Variants in AGMO observed in about 807,000 individuals in gnomAD.
AGMO encodes alkylglycerol monooxygenase.
AGMO carries 75 observed loss-of-function variants against 60.2 expected under a neutral mutation model. The ratio of observed to expected loss-of-function variants is 1.25; its 90% confidence interval spans 1.03 to 1.51. The LOEUF (loss-of-function observed/expected upper bound fraction) is 1.51, where lower values mean the gene tolerates loss of function less well. AGMO is among the 40% of genes most tolerant of loss of function. The pLI is 0.00. For synonymous variants in AGMO, 261 were observed against 177.1 expected (o/e 1.47, Z -3.76); for missense variants, 763 against 525.5 (o/e 1.45, Z -4.42).
At chr7:15,548,826 A>T (rs995153124) in intron 2 of AGMO, among the ~76,000 whole-genome samples, 93 of 152,240 alleles carry the variant, frequency 6.1e-4, no homozygotes, top group Non-Finnish European at 1.1e-3. Flanking sequence ...CGCCACAAAG[A>T]TACTCCTCGA....
chr7:15,434,696 C>T (rs985324631), intron 3 of AGMO, among the ~76,000 whole-genome samples: 10 of 152,150 alleles, frequency 6.6e-5, no homozygotes, highest in Non-Finnish European at 1.3e-4. Context: ...GCTGAACCGA[C>T]TCGCAGCAAC....
At chr7:15,546,908 G>T (rs1182847658) in intron 2 of AGMO, among the ~76,000 whole-genome samples, 2 of 152,072 alleles carry the variant, frequency 1.3e-5, no homozygotes, top group Admixed American at 6.6e-5. Flanking sequence ...GAGGCTGTTT[G>T]GTGCAAACGT....
At chr7:15,327,637 G>A (rs1267512022) in intron 12 of AGMO, among the ~76,000 whole-genome samples, 1 of 151,838 alleles carries the variant, frequency 6.6e-6, no homozygotes, top group Non-Finnish European at 1.5e-5. Context: ...ACGACAATGG[G>A]AGACTATATA....
chr7:15,146,276 C>T, the AGMO span, among the ~76,000 whole-genome samples: 1 of 152,026 alleles, frequency 6.6e-6, no homozygotes, highest in Non-Finnish European at 1.5e-5. Context: ...GTAAATTTAG[C>T]TTATTCAGAA....
At chr7:15,361,083 T>C (rs866567978) in intron 12 of AGMO, among the ~76,000 whole-genome samples, 14 of 152,242 alleles carry the variant, frequency 9.2e-5, no homozygotes, top group African/African-American at 2.9e-4. Context: ...ATGCCTTATA[T>C]GAATAGGAGC....
chr7:15,182,037 G>A, the AGMO span, among the ~76,000 whole-genome samples: 4 of 152,156 alleles, frequency 2.6e-5, no homozygotes, highest in Admixed American at 6.6e-5. Flanking sequence ...ACTTGAAAAC[G>A]AAGGGAATTC....
chr7:15,285,694 T>G (rs1784080894), intron 12 of AGMO, among the ~76,000 whole-genome samples: 1 of 151,984 alleles, frequency 6.6e-6, no homozygotes, highest in Non-Finnish European at 1.5e-5. Flanking sequence ...AATACCAACA[T>G]CATTTTTAAC....
At chr7:15,532,702 C>G (rs549808355) in intron 3 of AGMO, among the ~76,000 whole-genome samples, 195 of 69,280 alleles carry the variant, frequency 2.8e-3, no homozygotes, top group African/African-American at 7.1e-3. Context: ...TATAAAACAT[C>G]TTCCTAGGCT....
At chr7:15,528,669 C>T (rs1221643108) in intron 3 of AGMO, among the ~76,000 whole-genome samples, 5 of 151,930 alleles carry the variant, frequency 3.3e-5, no homozygotes, top group Admixed American at 2.0e-4. Flanking sequence ...TATTTTGAGA[C>T]GGAGTTTCAC....
chr7:15,133,151 G>A, the AGMO span, among the ~76,000 whole-genome samples: 1 of 152,176 alleles, frequency 6.6e-6, no homozygotes. Context: ...GAGAAGGTTT[G>A]AGGAGGGAAG....
the AGMO span, among the ~76,000 whole-genome samples, chr7:15,169,453 T>C: frequency 6.6e-6 from 1 of 152,244 alleles, no homozygotes; most frequent in African/African-American, 2.4e-5. Flanking sequence ...TTCTTTTTTT[T>C]TGAGACAGTC....
At chr7:15,358,782 G>A (rs543721852) in intron 12 of AGMO, among the ~76,000 whole-genome samples, 8 of 152,256 alleles carry the variant, frequency 5.3e-5, no homozygotes, top group South Asian at 2.1e-4. Context: ...ACAAGGAAGC[G>A]CCTCTCTGAG....
At chr7:15,336,741 A>C (rs1477808214) in intron 12 of AGMO, among the ~76,000 whole-genome samples, 1 of 152,186 alleles carries the variant, frequency 6.6e-6, no homozygotes, top group African/African-American at 2.4e-5. Context: ...TGTTATTTCT[A>C]ATTTCAACAT....
At chr7:15,244,466 A>G (rs182862342) in intron 12 of AGMO, among the ~76,000 whole-genome samples, 38 of 152,272 alleles carry the variant, frequency 2.5e-4, no homozygotes, top group Admixed American at 1.7e-3. Flanking sequence ...CCCGACTCCT[A>G]ATCCCTCCCA....
the AGMO span, among the ~76,000 whole-genome samples, chr7:15,177,708 T>C: frequency 6.6e-6 from 1 of 152,144 alleles, no homozygotes; most frequent in Non-Finnish European, 1.5e-5. Flanking sequence ...CATAATTCTC[T>C]TTACTTTTTT....
downstream of AGMO, among the ~76,000 whole-genome samples, chr7:15,199,508 C>T (rs1781218849): frequency 6.6e-6 from 1 of 152,128 alleles, no homozygotes; most frequent in Admixed American, 6.5e-5. Context: ...AATCATTAAG[C>T]TCTTCTGACA....
intron 3 of AGMO, among the ~76,000 whole-genome samples, chr7:15,477,306 C>G (rs1287409963): frequency 6.6e-6 from 1 of 151,996 alleles, no homozygotes; most frequent in Non-Finnish European, 1.5e-5. Context: ...GTCACTGAAA[C>G]AGTTAACTAA....
intron 12 of AGMO, among the ~76,000 whole-genome samples, chr7:15,265,583 A>C (rs1375764582): frequency 6.6e-6 from 1 of 152,074 alleles, no homozygotes; most frequent in Non-Finnish European, 1.5e-5. Flanking sequence ...GTGAGATTCT[A>C]TCTCACACCC....
At chr7:15,342,233 G>A (rs1275268072) in intron 12 of AGMO, among the ~76,000 whole-genome samples, 5 of 143,778 alleles carry the variant, frequency 3.5e-5, no homozygotes, top group African/African-American at 1.3e-4. Flanking sequence ...CTTAGAGATT[G>A]GGAAGAAAAG....
Sources: gnomAD v4.1 joint callset for allele counts (sites outside exome capture counted in the v4.1 genomes callset) on GRCh38, gnomAD v4.1.1 for gene constraint, MANE v1.5 for transcripts, NCBI Gene and HGNC (gene_info 2026-07-23, HGNC 2026-07-21) for gene names.